The following MGAM2 variants were observed in gnomAD, a reference collection of about 807,000 sequenced individuals.
The protein encoded by MGAM2 is maltase-glucoamylase 2 (putative).
In MGAM2, 98 loss-of-function variants were observed where a neutral mutation model predicts 96.1. The observed-to-expected ratio is 1.02, with a 90% CI of 0.87 to 1.21. The LOEUF (loss-of-function observed/expected upper bound fraction) is 1.21, where lower values mean the gene tolerates loss of function less well. Ranked by LOEUF, MGAM2 falls within the 50% of genes most tolerant of loss-of-function variation. The pLI is 0.00. For synonymous variants in MGAM2, 749 were observed against 414.8 expected, an observed-to-expected ratio of 1.81 and a Z score of -9.79; for missense variants, 2,055 against 1,182.4, an observed-to-expected ratio of 1.74 and a Z score of -10.82.
chr7:142,214,048 G>C (rs932347252), intron 46 of MGAM2, among the ~76,000 whole-genome samples: 2 of 152,054 alleles, frequency 1.3e-5, no homozygotes, highest in African/African-American at 4.8e-5. Flanking sequence ...CAGAACCAAT[G>C]ACAAAAACCA....
intron 45 of MGAM2, among the ~76,000 whole-genome samples, chr7:142,203,053 T>G (rs1242242610): frequency 6.6e-6 from 1 of 152,226 alleles, no homozygotes; most frequent in African/African-American, 2.4e-5. Flanking sequence ...AAGCATTTTT[T>G]CATGTTTATT....
intron 25 of MGAM2, among the ~76,000 whole-genome samples, 173 bp from the exon 26 acceptor site, chr7:142,167,095 T>C (rs544215119): frequency 8.0e-4 from 122 of 152,292 alleles, no homozygotes; most frequent in African/African-American, 2.8e-3. Context: ...TTCCAAATAG[T>C]CACATTTACA....
chr7:142,121,551 GT>G (rs1002965045), intron 3 of MGAM2, among the ~76,000 whole-genome samples: 2 of 151,846 alleles, frequency 1.3e-5, no homozygotes, highest in African/African-American at 4.8e-5. Flanking sequence ...GAATTATGAT[GT>G]TTTCCCTACG....
At chr7:142,204,634 G>C (rs1797341511) in intron 45 of MGAM2, among the ~76,000 whole-genome samples, 1 of 151,948 alleles carries the variant, frequency 6.6e-6, no homozygotes, top group Non-Finnish European at 1.5e-5. Context: ...AGGATAAAAT[G>C]ATTTAACATA....
Position 142,183,328 on chromosome 7 carries a change from C to T in MGAM2, c.3879C>T (p.Asn1293=), listed in dbSNP as rs920732620. 16 of 703,138 alleles carry T rather than the reference C, an allele frequency of 2.3e-5. No individual in the cohort carries two copies. Among genetic ancestry groups the T allele is most frequent in the African/African-American group, 8.7e-5 (5 of 57,230 alleles). The allele number at this position is 703,138 out of a possible 1,614,324, so 43.6% of individuals were successfully genotyped here. The stretch of plus-strand genomic sequence containing the variant: ...CATTCATTAGAGGACAGGAAAATAA[C>T]GTGTTCATCAAATGGCCTGACACCA... ...YLPFIRGQEN[N]VFIKWPDTND... is the part of the protein sequence containing the mutation. The change falls in exon 33 of 48, where the codon AAC becomes AAT. Residue 1293 remains asparagine (N), a synonymous_variant. Transcript: ENST00000477922.
At chr7:142,133,930 G>A in intron 6 of MGAM2, 51 bp from the exon 7 acceptor site, 2 of 652,470 alleles carry the variant, frequency 3.1e-6, no homozygotes, top group East Asian at 2.8e-5. Context: ...CTTCCTGGCA[G>A]AGGAAAGAGT....
At chr7:142,146,516 T>C (rs371971017) in intron 14 of MGAM2, among the ~76,000 whole-genome samples, 3 of 152,212 alleles carry the variant, frequency 2.0e-5, no homozygotes, top group South Asian at 4.1e-4. Flanking sequence ...TTTCTGGAAT[T>C]GTGCCTCACA....
Position 142,120,400 on chromosome 7 carries a change from CT to C in MGAM2, c.186+23del, listed in dbSNP as rs1265354980. The C allele has an allele frequency of 1.4e-6, 1 of 702,138 alleles. No homozygotes were observed. Among genetic ancestry groups the C allele is most frequent in the South Asian group, 1.5e-5 (1 of 67,496 alleles). The allele number at this position is 702,138 out of a possible 1,614,324, so 43.5% of individuals were successfully genotyped here. A position where few individuals can be genotyped will look rare whatever the true frequency, so the allele number is the denominator to read the frequency against. On this transcript the variant is annotated intron_variant, in intron 3 of 47. Transcript: ENST00000477922. ...GACCGAGGTCAGAGAAATAAGGTCC[CT>C]TTTGGTGGCCTACAGGGTGTTATTG...
chr7:142,208,359 C>A, intron 45 of MGAM2: 1 of 650,346 alleles, frequency 1.5e-6, no homozygotes, highest in Non-Finnish European at 2.8e-6. Context: ...ACCTTCTGAC[C>A]TCCCCGGCAA....
chr7:142,170,030 AG>A (rs1796142956), intron 26 of MGAM2, 44 bp from the exon 27 acceptor site: 1 of 671,764 alleles, frequency 1.5e-6, no homozygotes, highest in South Asian at 1.6e-5. Flanking sequence ...GAGGGGTTTT[AG>A]GTCTGAGACC....
chr7:142,173,283 C>G lies in MGAM2; in HGVS notation c.3616C>G (p.Arg1206Gly). The change falls in exon 31 of 48, where the codon CGC (arginine) becomes GGC (glycine). Residue 1206 changes from arginine (R) to glycine (G), a missense_variant. By Grantham distance (125) the Arg-to-Gly change is moderately radical (BLOSUM62 -2). Transcript: ENST00000477922. The stretch of plus-strand genomic sequence containing the variant: ...CTGGGCCTTGGGATTCCATCTGAGT[C>G]GCTATGGATACCAGAATGATGCTGA... ...PYWALGFHLS[R>G]YGYQNDAEIS... The G allele has an allele frequency of 1.4e-6, 1 of 703,072 alleles. No individual in the cohort carries two copies. The highest frequency in any genetic ancestry group is 2.7e-5 in the East Asian group (1 of 37,286). The allele number at this position is 703,072 out of a possible 1,614,324, so 43.6% of individuals were successfully genotyped here.
intron 3 of MGAM2, among the ~76,000 whole-genome samples, chr7:142,123,963 C>CCTTTTTTTTTTTTTTTTTTTTTTTTTT (rs1794659812): frequency 1.0e-5 from 1 of 98,116 alleles, no homozygotes; most frequent in African/African-American, 5.4e-5. Flanking sequence ...AGTCCAGAAA[C>CCTTTTTTTTTTTTTTTTTTTTTTTTTT]TTTTTTTTTT....
chr7:142,201,599 G>A (rs1404553608), intron 45 of MGAM2, among the ~76,000 whole-genome samples: 3 of 152,122 alleles, frequency 2.0e-5, no homozygotes, highest in Admixed American at 6.5e-5. Context: ...CTGAAAGTTC[G>A]CCTTTTATAG....
chr7:142,129,868 A>C (rs1794837117), intron 3 of MGAM2, among the ~76,000 whole-genome samples: 1 of 139,254 alleles, frequency 7.2e-6, no homozygotes, highest in East Asian at 2.2e-4. Flanking sequence ...AAAAAAAAGA[A>C]ATTCAGTTGT....
chr7:142,184,693 G>T (rs1458188188), intron 33 of MGAM2, among the ~76,000 whole-genome samples: 1 of 152,118 alleles, frequency 6.6e-6, no homozygotes, highest in Non-Finnish European at 1.5e-5. Context: ...TTGAGGTGAG[G>T]TGTATGGGTT....
rs1346151344 is a variant in MGAM2 at position 142,114,224 on chromosome 7, A to AAGAG, written c.-1+2420_-1+2421insGAGA. ...AAAGAAAGAAAGAAAGAGAGAAAGA[A>AAGAG]AGAAAGAAATAGGAGACTACAAAGA... On this transcript the variant is annotated intron_variant, in intron 1 of 47. Transcript: ENST00000477922. Among the ~76,000 whole-genome samples the AAGAG allele has an allele frequency of 7.2e-3, 985 of 136,656 alleles. 19 individuals carry two copies. Among genetic ancestry groups the AAGAG allele is most frequent in the Non-Finnish European group, 0.012 (744 of 62,618 alleles). The allele number at this position is 136,656 out of a possible 152,430, so 89.7% of individuals were successfully genotyped here. A position where few individuals can be genotyped will look rare whatever the true frequency, so the allele number is the denominator to read the frequency against.
chr7:142,174,613 G>C (rs1181323034), intron 31 of MGAM2, among the ~76,000 whole-genome samples: 4 of 151,246 alleles, frequency 2.6e-5, no homozygotes, highest in Admixed American at 2.6e-4. Context: ...TTGTCTATAT[G>C]ACAAGATCTA....
chr7:142,187,912 A>C, intron 36 of MGAM2, 78 bp downstream of exon 36: 1 of 665,172 alleles, frequency 1.5e-6, no homozygotes, highest in South Asian at 1.6e-5. Context: ...GTCAAAGTGA[A>C]GCCTAATGTT....
rs757582267 is a variant in MGAM2 at position 142,131,925 on chromosome 7, T to C, written c.421-6T>C. On this transcript the variant is annotated splice_region_variant and splice_polypyrimidine_tract_variant and intron_variant, in intron 5 of 47. Coordinates refer to ENST00000477922, the MANE Select transcript of MGAM2 (RefSeq NM_001293626.2). ...GCAGTTGTCCCTTCTGTTTTTCTTT[T>C]GACAGATCACTGACTTTAATAACAT... The C allele has an allele frequency of 2.9e-6, 2 of 700,344 alleles. No individual in the cohort carries two copies. The highest frequency in any genetic ancestry group is 1.5e-5 in the South Asian group (1 of 67,160). The allele number at this position is 700,344 out of a possible 1,614,324, so 43.4% of individuals were successfully genotyped here.
Sources: gnomAD v4.1 joint callset for allele counts (sites outside exome capture counted in the v4.1 genomes callset) on GRCh38, gnomAD v4.1.1 for gene constraint, MANE v1.5 for transcripts, NCBI Gene and HGNC (gene_info 2026-07-23, HGNC 2026-07-21) for gene names.